The following RIPOR3 variants were observed in gnomAD, a reference collection of about 807,000 sequenced individuals.
RIPOR3 encodes family with sequence similarity 65 member C.
A neutral mutation model predicts 114.3 loss-of-function variants in RIPOR3; 95 were observed. That is an observed-to-expected ratio of 0.83 (90% CI 0.70 to 0.99). RIPOR3 has a LOEUF of 0.99. Ranked by LOEUF, RIPOR3 falls within the 50% of genes least tolerant of loss-of-function variation. RIPOR3 has a pLI of 0.00. For missense variants in RIPOR3, 1,252 were observed against 1,266.9 expected (o/e 0.99, Z 0.18); for synonymous variants, 575 against 543.8 (o/e 1.06, Z -0.80).
intron 1 of RIPOR3, among the ~76,000 whole-genome samples, chr20:50,690,522 G>A (rs1389669939): frequency 1.3e-5 from 2 of 152,180 alleles, no homozygotes; most frequent in Non-Finnish European, 2.9e-5. Context: ...CCTTCCTGCA[G>A]GTAATGCTCC....
intron 1 of RIPOR3, among the ~76,000 whole-genome samples, chr20:50,657,247 C>T (rs2085843411): frequency 6.6e-6 from 1 of 152,184 alleles, no homozygotes; most frequent in South Asian, 2.1e-4. Flanking sequence ...AAGAGAGAGG[C>T]TGGGCATGGT....
chr20:50,678,061 C>T (rs1568963193), intron 1 of RIPOR3, among the ~76,000 whole-genome samples: 1 of 152,168 alleles, frequency 6.6e-6, no homozygotes, highest in Non-Finnish European at 1.5e-5. Context: ...GGACCAAAAT[C>T]AGCCTCCTGA....
At chr20:50,667,072 T>G (rs887182245) in intron 1 of RIPOR3, among the ~76,000 whole-genome samples, 2 of 152,064 alleles carry the variant, frequency 1.3e-5, no homozygotes, top group African/African-American at 4.8e-5. Context: ...CTTCCTGGAC[T>G]CTGAACCTAG....
intron 2 of RIPOR3, among the ~76,000 whole-genome samples, chr20:50,622,777 T>A (rs1211387565): frequency 1.3e-5 from 2 of 152,116 alleles, no homozygotes; most frequent in Non-Finnish European, 2.9e-5. Flanking sequence ...CACCTCTACA[T>A]TAACAACACA....
intron 20 of RIPOR3, among the ~76,000 whole-genome samples, chr20:50,588,243 G>GT (rs2082986271): frequency 6.6e-6 from 1 of 152,240 alleles, no homozygotes; most frequent in Non-Finnish European, 1.5e-5. Flanking sequence ...AGGACAGCCT[G>GT]TGCCAGTACT....
intron 3 of RIPOR3, 147 bp downstream of exon 3, chr20:50,619,839 G>T: frequency 9.1e-7 from 1 of 1,093,512 alleles, no homozygotes; most frequent in Non-Finnish European, 1.3e-6. Context: ...GCTGCACCCT[G>T]ACATACTTGC....
intron 1 of RIPOR3, among the ~76,000 whole-genome samples, chr20:50,638,888 A>G (rs1343561794): frequency 6.6e-6 from 1 of 152,112 alleles, no homozygotes; most frequent in African/African-American, 2.4e-5. Context: ...CCTGACACTG[A>G]GGGAGTGAGG....
At position 50,626,830 on chromosome 20, in the gene RIPOR3, T is replaced by C. The variant is rs540586042; in HGVS notation, c.122+3908A>G. ...TGAAGTCAGGAGTTCCAGACCAGCCTGGCCAACATGGTGAAACCCTGTCTC... is the reference window on the plus strand; with the variant it reads ...TGAAGTCAGGAGTTCCAGACCAGCCCGGCCAACATGGTGAAACCCTGTCTC... On this transcript the variant is annotated intron_variant, in intron 2 of 21. Coordinates refer to ENST00000327979, the MANE Select transcript of RIPOR3 (RefSeq NM_001290268.2). Among the ~76,000 whole-genome samples the C allele has an allele frequency of 5.3e-5, 8 of 152,230 alleles. No individual in the cohort carries two copies. In the East Asian group the frequency reaches 1.4e-3, roughly 26 times the overall value.
chr20:50,609,531 T>C, intron 7 of RIPOR3, 42 bp downstream of exon 7: 1 of 1,430,324 alleles, frequency 7.0e-7, no homozygotes, highest in Non-Finnish European at 9.1e-7. Context: ...CCGGCCCAGC[T>C]CTTGCTGCCC....
intron 1 of RIPOR3, among the ~76,000 whole-genome samples, chr20:50,647,209 A>G (rs1049114442): frequency 5.3e-5 from 8 of 152,210 alleles, no homozygotes; most frequent in African/African-American, 1.9e-4. Context: ...AATCCCAGCT[A>G]CTTGGGAGGC....
At position 50,594,439 on chromosome 20, in the gene RIPOR3, GAC is replaced by G. The variant is rs1019578804; in HGVS notation, c.2212+112_2212+113del. ...AAGCTCCTCCGTCCGATGGCATGAA[GAC>G]ACAGAGGTGAAGACAGGGCTGAAAT... On this transcript the variant is annotated intron_variant, in intron 17 of 21. Transcript: ENST00000327979. The G allele has an allele frequency of 3.3e-5, 41 of 1,252,464 alleles. No individual in the cohort carries two copies. In the African/African-American group the frequency reaches 3.7e-4, roughly 11 times the overall value. The allele number at this position is 1,252,464 out of a possible 1,614,324, so 77.6% of individuals were successfully genotyped here. A position where few individuals can be genotyped will look rare whatever the true frequency, so the allele number is the denominator to read the frequency against.
At chr20:50,665,457 G>C in intron 1 of RIPOR3, among the ~76,000 whole-genome samples, 1 of 122,280 alleles carries the variant, frequency 8.2e-6, no homozygotes, top group East Asian at 2.6e-4. Context: ...GTCTCGCCCT[G>C]TCGCCCAGGC....
intron 1 of RIPOR3, among the ~76,000 whole-genome samples, chr20:50,651,680 G>A (rs6067499): frequency 0.5 from 75,764 of 152,086 alleles, 22,150 homozygotes; most frequent in Middle Eastern, 0.65. Flanking sequence ...CTGTGAAATA[G>A]CAGTGGAAAT....
At chr20:50,667,806 G>C (rs896440419) in intron 1 of RIPOR3, among the ~76,000 whole-genome samples, 2 of 152,178 alleles carry the variant, frequency 1.3e-5, no homozygotes, top group Non-Finnish European at 2.9e-5. Context: ...AGTAGCAAAG[G>C]CTTTGAGATC....
At chr20:50,647,296 G>A (rs2085434227) in intron 1 of RIPOR3, among the ~76,000 whole-genome samples, 1 of 151,966 alleles carries the variant, frequency 6.6e-6, no homozygotes, top group Non-Finnish European at 1.5e-5. Context: ...CTCCAGCCTA[G>A]GCGACAAGAG....
At chr20:50,595,805 G>T (rs888042584) in intron 15 of RIPOR3, among the ~76,000 whole-genome samples, 2 of 152,228 alleles carry the variant, frequency 1.3e-5, no homozygotes, top group African/African-American at 2.4e-5. Context: ...CGTGCATCCA[G>T]CCGAGCCTGA....
intron 11 of RIPOR3, 119 bp downstream of exon 11, chr20:50,608,270 C>G: frequency 7.0e-7 from 1 of 1,421,480 alleles, no homozygotes; most frequent in South Asian, 1.3e-5. Flanking sequence ...AGATGAGGAC[C>G]CGTGAGGGCA....
chr20:50,629,899 T>C (rs1432553658), intron 2 of RIPOR3, among the ~76,000 whole-genome samples: 2 of 152,184 alleles, frequency 1.3e-5, no homozygotes, highest in African/African-American at 4.8e-5. Context: ...GGGCCAGTTT[T>C]GCTGTGTGAC....
Position 50,594,620 on chromosome 20 carries a change from C to A in RIPOR3, c.2145G>T (p.Leu715=). The A allele has an allele frequency of 6.2e-7, 1 of 1,614,066 alleles. No homozygotes were observed. The highest frequency in any genetic ancestry group is 1.1e-5 in the South Asian group (1 of 91,078). Residue 715 remains leucine, a synonymous_variant, in exon 17 of 22, where the codon CTG becomes CTT. Transcript: ENST00000327979. ...GRVLSCPATT[L]LNQLKKTFQH... ...GGAAGGTTTTCTTGAGCTGGTTCAG[C>A]AGCGTCGTGGCAGGGCAGGACAGGA...
Sources: allele counts gnomAD v4.1 joint callset (sites outside exome capture counted in the v4.1 genomes callset), GRCh38; gene constraint gnomAD v4.1.1; transcripts MANE v1.5; gene names NCBI Gene and HGNC (gene_info 2026-07-23, HGNC 2026-07-21).